Variants in MMP16 observed in about 807,000 individuals in gnomAD.
The protein encoded by MMP16 is matrix metalloproteinase-16.
Under a neutral mutation model 67.8 loss-of-function variants are expected in MMP16, and 12 were observed. The ratio of observed to expected loss-of-function variants is 0.18; its 90% CI spans 0.11 to 0.29. The LOEUF is 0.29. Ranked by LOEUF, MMP16 falls within the 10% of genes least tolerant of loss-of-function variation. The pLI is 1.00. For missense variants in MMP16, 475 were observed against 765.7 expected, an observed-to-expected ratio of 0.62 and a Z score of 4.48; for synonymous variants, 249 against 255.9, an observed-to-expected ratio of 0.97 and a Z score of 0.26.
intron 4 of MMP16, among the ~76,000 whole-genome samples, chr8:88,156,040 C>G (rs969599439): frequency 6.6e-6 from 1 of 152,076 alleles, no homozygotes; most frequent in Non-Finnish European, 1.5e-5. Context: ...GTTAAATACA[C>G]AAAATTAATT....
chr8:88,105,008 G>T (rs1425121976), intron 6 of MMP16, among the ~76,000 whole-genome samples: 1 of 151,272 alleles, frequency 6.6e-6, no homozygotes, highest in Non-Finnish European at 1.5e-5. Flanking sequence ...TTATGAAGTC[G>T]ACAGTAGTGT....
chr8:88,126,164 G>C (rs1016603566), intron 4 of MMP16, among the ~76,000 whole-genome samples: 1 of 151,712 alleles, frequency 6.6e-6, no homozygotes, highest in Admixed American at 6.6e-5. Flanking sequence ...GAATTATTGA[G>C]CTATTGATAA....
At chr8:88,249,548 C>T (rs780642567) in intron 1 of MMP16, among the ~76,000 whole-genome samples, 44 of 152,082 alleles carry the variant, frequency 2.9e-4, no homozygotes, top group Non-Finnish European at 4.9e-4. Flanking sequence ...AGTAACTTTC[C>T]CACCTTATGT....
chr8:88,098,020 G>C (rs1384119681), intron 6 of MMP16, among the ~76,000 whole-genome samples: 1 of 151,786 alleles, frequency 6.6e-6, no homozygotes, highest in East Asian at 2.0e-4. Context: ...TCCACACAAG[G>C]ACACCCTCAC....
chr8:88,188,659 T>A (rs1053867808), intron 2 of MMP16, among the ~76,000 whole-genome samples: 1 of 151,958 alleles, frequency 6.6e-6, no homozygotes, highest in African/African-American at 2.4e-5. Context: ...AACAGATTTT[T>A]TTTTTTTTTT....
At chr8:88,059,510 G>A (rs1365477603) in intron 7 of MMP16, among the ~76,000 whole-genome samples, 1 of 152,048 alleles carries the variant, frequency 6.6e-6, no homozygotes, top group East Asian at 1.9e-4. Flanking sequence ...CCCTCTTTGG[G>A]TAGATGGAAT....
At chr8:88,163,364 T>C (rs1300164062) in intron 4 of MMP16, among the ~76,000 whole-genome samples, 1 of 152,088 alleles carries the variant, frequency 6.6e-6, no homozygotes, top group African/African-American at 2.4e-5. Flanking sequence ...ATGACATCTT[T>C]ATCATAATTT....
At chr8:88,271,644 C>G (rs1244378780) in intron 1 of MMP16, among the ~76,000 whole-genome samples, 1 of 152,058 alleles carries the variant, frequency 6.6e-6, no homozygotes, top group African/African-American at 2.4e-5. Context: ...CATGTATGTG[C>G]CAACACGTTC....
At chr8:88,157,856 T>A (rs576233216) in intron 4 of MMP16, among the ~76,000 whole-genome samples, 18 of 150,978 alleles carry the variant, frequency 1.2e-4, no homozygotes, top group Non-Finnish European at 2.4e-4. Flanking sequence ...GATGTGTATT[T>A]TTCCCCTTCC....
chr8:88,236,648 C>G (rs1457910203), intron 1 of MMP16, among the ~76,000 whole-genome samples: 2 of 152,010 alleles, frequency 1.3e-5, no homozygotes, highest in Non-Finnish European at 2.9e-5. Flanking sequence ...ACTCTGGAAG[C>G]TGAGGTGGGA....
chr8:88,292,229 C>T (rs1222873479), intron 1 of MMP16, among the ~76,000 whole-genome samples: 1 of 152,088 alleles, frequency 6.6e-6, no homozygotes, highest in African/African-American at 2.4e-5. Context: ...TCGTTCAAAC[C>T]TCTCTGTGTT....
chr8:88,103,217 G>A (rs1210529403), intron 6 of MMP16, among the ~76,000 whole-genome samples: 2 of 151,614 alleles, frequency 1.3e-5, no homozygotes, highest in African/African-American at 2.4e-5. Context: ...ACTCTTTCCC[G>A]ATATATGTGG....
intron 1 of MMP16, among the ~76,000 whole-genome samples, chr8:88,318,466 T>A (rs893682350): frequency 5.9e-5 from 9 of 152,176 alleles, no homozygotes; most frequent in African/African-American, 2.2e-4. Flanking sequence ...CCACTATACA[T>A]ATTAGTTACA....
chr8:88,107,911 A>T (rs1001122990), intron 6 of MMP16, among the ~76,000 whole-genome samples: 2 of 151,158 alleles, frequency 1.3e-5, no homozygotes, highest in Non-Finnish European at 3.0e-5. Flanking sequence ...ATTAACTTTA[A>T]TGTCTCTCTT....
chr8:88,067,473 T>C (rs1003214984), intron 7 of MMP16, among the ~76,000 whole-genome samples: 2 of 152,132 alleles, frequency 1.3e-5, no homozygotes, highest in African/African-American at 2.4e-5. Flanking sequence ...ATAAATTTAA[T>C]GTGTATAATT....
At chr8:88,238,035 A>T (rs1377752914) in intron 1 of MMP16, among the ~76,000 whole-genome samples, 1 of 152,208 alleles carries the variant, frequency 6.6e-6, no homozygotes, top group East Asian at 1.9e-4. Flanking sequence ...AATTACTTAT[A>T]AAGTGATGAA....
chr8:88,277,516 T>C (rs1915023), intron 1 of MMP16, among the ~76,000 whole-genome samples: 119,159 of 152,038 alleles, frequency 0.78, 47,265 homozygotes, highest in East Asian at 0.99. Context: ...TCCTTTTCTC[T>C]TTCTGGATCG....
At chr8:88,055,124 C>A (rs1344559808) in intron 8 of MMP16, among the ~76,000 whole-genome samples, 1 of 152,002 alleles carries the variant, frequency 6.6e-6, no homozygotes, top group Non-Finnish European at 1.5e-5. Context: ...CTTCAACTTA[C>A]ATATATTCCA....
At chr8:88,222,754 C>G (rs985830447) in intron 1 of MMP16, among the ~76,000 whole-genome samples, 22 of 152,090 alleles carry the variant, frequency 1.4e-4, no homozygotes, top group African/African-American at 5.3e-4. Context: ...AGAAGAAAAC[C>G]TAGGCAATAC....
Sources: gnomAD v4.1 joint callset for allele counts (sites outside exome capture counted in the v4.1 genomes callset) on GRCh38, gnomAD v4.1.1 for gene constraint, MANE v1.5 for transcripts, NCBI Gene and HGNC (gene_info 2026-07-23, HGNC 2026-07-21) for gene names.